PRKCE: variants seen among roughly 807,000 people sequenced by gnomAD.
PRKCE encodes protein kinase C epsilon type.
A neutral mutation model predicts 85.4 loss-of-function variants in PRKCE; 16 were observed. The ratio of observed to expected loss-of-function variants is 0.19; its 90% CI spans 0.13 to 0.28. The LOEUF is 0.28. Among genes scored for constraint, PRKCE ranks in the 10% least tolerant of loss-of-function variants. The pLI is 1.00. For synonymous variants in PRKCE, 388 were observed against 371.5 expected (o/e 1.04, Z -0.51); for missense variants, 573 against 975.2 (o/e 0.59, Z 5.49).
intron 10 of PRKCE, among the ~76,000 whole-genome samples, chr2:46,038,020 G>A (rs1707978918): frequency 6.6e-6 from 1 of 152,222 alleles, no homozygotes; most frequent in Non-Finnish European, 1.5e-5. Context: ...TGATGTGTGT[G>A]CAAGCTCCTG....
At chr2:45,668,441 A>G (rs543417186) in intron 1 of PRKCE, among the ~76,000 whole-genome samples, 3 of 152,276 alleles carry the variant, frequency 2.0e-5, no homozygotes, top group Admixed American at 1.3e-4. Flanking sequence ...CGAAGAATCC[A>G]TTTGGTTTAT....
chr2:45,783,396 G>A (rs1291018711), intron 1 of PRKCE, among the ~76,000 whole-genome samples: 3 of 152,144 alleles, frequency 2.0e-5, no homozygotes, highest in African/African-American at 7.2e-5. Flanking sequence ...ACCGAAGGCT[G>A]CACCCTGTTG....
chr2:46,105,320 T>TA (rs1671611477), intron 11 of PRKCE, among the ~76,000 whole-genome samples: 1 of 152,160 alleles, frequency 6.6e-6, no homozygotes, highest in Non-Finnish European at 1.5e-5. Context: ...GGCTTTCTTA[T>TA]AGCAACCCTG....
chr2:45,811,526 T>C (rs13388091), intron 1 of PRKCE, among the ~76,000 whole-genome samples: 1,695 of 152,370 alleles, frequency 0.011, 24 homozygotes, highest in African/African-American at 0.038. Flanking sequence ...GGAGGCTGAC[T>C]CACCCTGCGT....
chr2:45,829,639 C>T (rs1432737669), intron 1 of PRKCE, among the ~76,000 whole-genome samples: 1 of 152,204 alleles, frequency 6.6e-6, no homozygotes, highest in African/African-American at 2.4e-5. Context: ...CATAGAGCAG[C>T]TTCTCTGCAG....
intron 6 of PRKCE, among the ~76,000 whole-genome samples, chr2:45,991,085 C>T (rs1703756756): frequency 1.3e-5 from 2 of 151,906 alleles, no homozygotes; most frequent in South Asian, 2.1e-4. Flanking sequence ...CAGCTCACTG[C>T]AACCTCTGCC....
intron 11 of PRKCE, among the ~76,000 whole-genome samples, chr2:46,104,850 CTT>C (rs1671568740): frequency 6.6e-6 from 1 of 152,090 alleles, no homozygotes; most frequent in Non-Finnish European, 1.5e-5. Flanking sequence ...TGGGGTTTAT[CTT>C]TTCCCTTCAA....
rs1278822017 is a variant in PRKCE at position 45,825,241 on chromosome 2, C to A, written c.349-17759C>A. Among the ~76,000 whole-genome samples, 3 of 152,196 alleles carry A rather than the reference C, an allele frequency of 2.0e-5. No homozygotes were observed. In the East Asian group the frequency reaches 5.8e-4, roughly 29 times the overall value. ...ACCTTGTGGGGAACTTGTGGCTCTG[C>A]AGCCTAAGTAAGAGAGCACCTTGGG... On this transcript the variant is annotated intron_variant, in intron 1 of 14. Transcript: ENST00000306156.
intron 2 of PRKCE, among the ~76,000 whole-genome samples, chr2:45,953,324 T>C (rs554354759): frequency 1.3e-5 from 2 of 152,290 alleles, no homozygotes; most frequent in Non-Finnish European, 2.9e-5. Flanking sequence ...GGTCACATAT[T>C]TGGTTGTGAC....
In PRKCE at chr2:45,907,774, T is replaced by C. The variant is rs1052933595; in HGVS notation, c.412+64711T>C. ...GAGCCAATGGCCACCTCTGGGTCTC[T>C]GCTGCCTCCTTCTGAAGTGGGTGTC... On this transcript the variant is annotated intron_variant, in intron 2 of 14. Coordinates refer to ENST00000306156, the MANE Select transcript of PRKCE (RefSeq NM_005400.3). The surrounding 1 kb of genome is among the most constrained non-coding windows in gnomAD (Gnocchi z 4.5). Among the ~76,000 whole-genome samples the C allele has an allele frequency of 1.3e-5, 2 of 152,256 alleles. No homozygotes were observed. Among genetic ancestry groups the C allele is most frequent in the Non-Finnish European group, 2.9e-5 (2 of 68,036 alleles).
At chr2:46,102,947 A>G (rs1460310256) in intron 11 of PRKCE, among the ~76,000 whole-genome samples, 5 of 152,136 alleles carry the variant, frequency 3.3e-5, no homozygotes, top group Non-Finnish European at 7.4e-5. Context: ...TCCATACTGT[A>G]TTCTTTGCAA....
chr2:46,088,614 C>G (rs984214834), intron 11 of PRKCE, among the ~76,000 whole-genome samples: 1 of 152,112 alleles, frequency 6.6e-6, no homozygotes, highest in East Asian at 1.9e-4. Context: ...GAATATCAAC[C>G]ATTGACTTCA....
At chr2:45,756,847 A>T (rs987542146) in intron 1 of PRKCE, among the ~76,000 whole-genome samples, 3 of 152,174 alleles carry the variant, frequency 2.0e-5, no homozygotes, top group Non-Finnish European at 4.4e-5. Context: ...AAGAGATTAT[A>T]AACTCTATGA....
intron 2 of PRKCE, among the ~76,000 whole-genome samples, chr2:45,857,331 T>C (rs990369469): frequency 5.3e-5 from 8 of 152,254 alleles, no homozygotes; most frequent in African/African-American, 1.9e-4. Flanking sequence ...CTATGTCTCA[T>C]TGTTCAGAAA....
At chr2:45,684,679 G>T (rs928690773) in intron 1 of PRKCE, among the ~76,000 whole-genome samples, 3 of 152,204 alleles carry the variant, frequency 2.0e-5, no homozygotes, top group African/African-American at 7.2e-5. Flanking sequence ...TAGTCAGGGG[G>T]CAAGTTGGGA....
chr2:46,182,320 C>T (rs1187975349), intron 14 of PRKCE, among the ~76,000 whole-genome samples: 1 of 152,186 alleles, frequency 6.6e-6, no homozygotes, highest in East Asian at 1.9e-4. Context: ...CCAGGCGCCA[C>T]CCTCCCGCGT....
intron 2 of PRKCE, among the ~76,000 whole-genome samples, chr2:45,853,513 C>T (rs988202295): frequency 6.6e-6 from 1 of 152,134 alleles, no homozygotes; most frequent in Non-Finnish European, 1.5e-5. Context: ...AAATAACTCA[C>T]CCAGGGACCT....
At chr2:46,021,463 G>T (rs939712467) in intron 10 of PRKCE, among the ~76,000 whole-genome samples, 14 of 152,322 alleles carry the variant, frequency 9.2e-5, no homozygotes, top group African/African-American at 2.6e-4. Flanking sequence ...AACTTCTGCA[G>T]GAAGCACTGA....
intron 14 of PRKCE, among the ~76,000 whole-genome samples, chr2:46,176,027 C>T (rs551476863): frequency 1.3e-5 from 2 of 152,190 alleles, no homozygotes; most frequent in South Asian, 4.1e-4. Context: ...GGATGACTCT[C>T]AGGTGTCTAA....
Sources: allele counts gnomAD v4.1 joint callset (sites outside exome capture counted in the v4.1 genomes callset), GRCh38; gene constraint gnomAD v4.1.1; non-coding constraint Gnocchi (gnomAD v3.1); transcripts MANE v1.5; gene names NCBI Gene and HGNC (gene_info 2026-07-23, HGNC 2026-07-21).